The following PDZRN4 variants were observed in gnomAD, a reference collection of about 807,000 sequenced individuals.
PDZRN4 encodes the protein PDZ domain-containing RING finger protein 4.
A neutral mutation model predicts 99.0 loss-of-function variants in PDZRN4; 70 were observed. The ratio of observed to expected loss-of-function variants is 0.71; its 90% CI spans 0.58 to 0.86. The LOEUF is 0.86. Ranked by LOEUF, PDZRN4 falls within the 40% of genes least tolerant of loss-of-function variation. The pLI is 0.00. For synonymous variants in PDZRN4, 551 were observed against 501.6 expected, an observed-to-expected ratio of 1.10 and a Z score of -1.32; for missense variants, 1,474 against 1,331.2, an observed-to-expected ratio of 1.11 and a Z score of -1.67.
intron 3 of PDZRN4, among the ~76,000 whole-genome samples, chr12:41,381,877 T>A (rs1169697016): frequency 1.3e-5 from 2 of 152,236 alleles, no homozygotes; most frequent in African/African-American, 4.8e-5. Context: ...GAGAAAGTCC[T>A]TCTCTAGTCA....
chr12:41,365,814 G>A (rs1248024997), intron 3 of PDZRN4, among the ~76,000 whole-genome samples: 1 of 152,046 alleles, frequency 6.6e-6, no homozygotes, highest in African/African-American at 2.4e-5. Flanking sequence ...GGTTTCAGAG[G>A]ATTCACTCAC....
chr12:41,544,116 A>AT lies in PDZRN4; in HGVS notation c.1204-8539dup, dbSNP rs767586827. Among the ~76,000 whole-genome samples the AT allele has an allele frequency of 3.3e-5, 5 of 152,370 alleles. No individual in the cohort carries two copies. In the South Asian group the frequency reaches 1.0e-3, roughly 32 times the overall value. ...AATCATTTAGAGGAATGTTTGGTAC[A>AT]TAATAAGTTTCCAAGTGTAATCCAT... On this transcript the variant is annotated intron_variant, in intron 5 of 9. Transcript: ENST00000402685.
chr12:41,368,675 A>G (rs1248086320), intron 3 of PDZRN4, among the ~76,000 whole-genome samples: 2 of 152,096 alleles, frequency 1.3e-5, no homozygotes, highest in African/African-American at 4.8e-5. Context: ...TCTTGCCTGC[A>G]GATTTCAGTT....
rs556816015 is a variant in PDZRN4, at chr12:41,513,267, A to G, written c.1203+3354A>G. On this transcript the variant is annotated intron_variant, in intron 5 of 9. Transcript: ENST00000402685. ...TTTGGAGATATTATACTCAGTGTCC[A>G]TGTTATGGTGACTCTGGTGTGTTAG... Among the ~76,000 whole-genome samples, 6 of 152,226 alleles carry G rather than the reference A, an allele frequency of 3.9e-5. No individual in the cohort carries two copies. The South Asian group carries it at 1.2e-3, about 32-fold the overall frequency.
intron 3 of PDZRN4, among the ~76,000 whole-genome samples, chr12:41,301,464 G>C (rs1056055165): frequency 3.3e-5 from 5 of 151,880 alleles, no homozygotes; most frequent in Non-Finnish European, 7.4e-5. Flanking sequence ...CTTTACATAA[G>C]ATATAAGGAT....
chr12:41,359,878 T>TA (rs901018239), intron 3 of PDZRN4, among the ~76,000 whole-genome samples: 19 of 152,138 alleles, frequency 1.2e-4, no homozygotes, highest in African/African-American at 4.6e-4. Context: ...AGGTTTCTCC[T>TA]AGAAGTTTTG....
intron 3 of PDZRN4, among the ~76,000 whole-genome samples, chr12:41,485,430 G>A (rs538158006): frequency 6.6e-6 from 1 of 152,194 alleles, no homozygotes; most frequent in South Asian, 2.1e-4. Flanking sequence ...AGCATGCCAG[G>A]ACTCACCGGA....
At chr12:41,358,417 G>A (rs1311584280) in intron 3 of PDZRN4, among the ~76,000 whole-genome samples, 1 of 151,704 alleles carries the variant, frequency 6.6e-6, no homozygotes, top group African/African-American at 2.4e-5. Flanking sequence ...TTATTATTCT[G>A]CCTTTTCCTG....
rs1435393937 is a variant in PDZRN4, at chr12:41,555,050, TACAAAAAAA to T, written c.1303-646_1303-638del. 6.4e-4 allele frequency among the ~76,000 whole-genome samples: 17 copies of T among 26,736 alleles called. No homozygotes were observed. In the East Asian group the frequency reaches 0.019, roughly 31 times the overall value. The allele number at this position is 26,736 out of a possible 152,430, so 17.5% of individuals were successfully genotyped here. A position where few individuals can be genotyped will look rare whatever the true frequency, so the allele number is the denominator to read the frequency against. ...GGTGAAACCCCATCTCTACTAAAAA[TACAAAAAAA>T]AAAAAAAAAAAAAAAAAAAAAATTA... On this transcript the variant is annotated intron_variant, in intron 6 of 9. Coordinates refer to ENST00000402685, the MANE Select transcript of PDZRN4 (RefSeq NM_001164595.2).
chr12:41,414,925 G>A (rs1035562120), intron 3 of PDZRN4, among the ~76,000 whole-genome samples: 1 of 152,154 alleles, frequency 6.6e-6, no homozygotes, highest in African/African-American at 2.4e-5. Context: ...GCAGAGTCAA[G>A]GGAAGAGCAC....
chr12:41,413,289 C>T (rs1386181567), intron 3 of PDZRN4, among the ~76,000 whole-genome samples: 1 of 152,064 alleles, frequency 6.6e-6, no homozygotes, highest in African/African-American at 2.4e-5. Context: ...ATCATATGTT[C>T]TCACTCATAT....
chr12:41,522,122 G>T (rs1396277939), intron 5 of PDZRN4, among the ~76,000 whole-genome samples: 1 of 152,136 alleles, frequency 6.6e-6, no homozygotes, highest in Non-Finnish European at 1.5e-5. Context: ...TTTAAGCAAA[G>T]GTTGTAAATA....
intron 3 of PDZRN4, among the ~76,000 whole-genome samples, chr12:41,269,479 A>C (rs1951299479): frequency 6.6e-6 from 1 of 152,162 alleles, no homozygotes; most frequent in Non-Finnish European, 1.5e-5. Context: ...CTTCTGATGC[A>C]TTCCCAATTA....
chr12:41,508,395 C>T (rs1938244656), intron 4 of PDZRN4, among the ~76,000 whole-genome samples: 1 of 152,176 alleles, frequency 6.6e-6, no homozygotes, highest in African/African-American at 2.4e-5. Flanking sequence ...AATTATTGCA[C>T]TGTATTAAAA....
intron 3 of PDZRN4, among the ~76,000 whole-genome samples, chr12:41,476,034 CACACACACAT>C (rs1207593717): frequency 6.6e-6 from 1 of 152,192 alleles, no homozygotes; most frequent in African/African-American, 2.4e-5. Context: ...CACACTTGTG[CACACACACAT>C]ACACACACAG....
intron 3 of PDZRN4, among the ~76,000 whole-genome samples, chr12:41,418,559 C>T (rs1325745867): frequency 6.6e-6 from 1 of 152,144 alleles, no homozygotes; most frequent in East Asian, 1.9e-4. Context: ...AAGCAAGCTT[C>T]ATCTCTCTAA....
chr12:41,408,698 G>T (rs1036041654), intron 3 of PDZRN4, among the ~76,000 whole-genome samples: 6 of 151,798 alleles, frequency 4.0e-5, no homozygotes, highest in South Asian at 2.1e-4. Flanking sequence ...CAAAGATCTG[G>T]TTGAATAAAT....
chr12:41,562,546 C>A (rs1027704929), intron 7 of PDZRN4, among the ~76,000 whole-genome samples: 9 of 151,986 alleles, frequency 5.9e-5, no homozygotes, highest in African/African-American at 2.2e-4. Context: ...ATTTCTTTCC[C>A]ATTATTTGAT....
At chr12:41,205,577 C>T (rs1294391160) in intron 3 of PDZRN4, among the ~76,000 whole-genome samples, 1 of 151,854 alleles carries the variant, frequency 6.6e-6, no homozygotes, top group African/African-American at 2.4e-5. Flanking sequence ...CTTTCCCCTC[C>T]TTTAACCTCA....
Sources: gnomAD v4.1 joint callset for allele counts (sites outside exome capture counted in the v4.1 genomes callset) on GRCh38, gnomAD v4.1.1 for gene constraint, MANE v1.5 for transcripts, NCBI Gene and HGNC (gene_info 2026-07-23, HGNC 2026-07-21) for gene names.